ENTREP2: variants seen among roughly 807,000 people sequenced by gnomAD.
The protein encoded by ENTREP2 is protein ENTREP2.
chr15:29,593,161 C>T, the ENTREP2 span, among the ~76,000 whole-genome samples: 2 of 152,152 alleles, frequency 1.3e-5, no homozygotes, highest in Non-Finnish European at 2.9e-5. Context: ...ACTTTCCTTC[C>T]GTTTGTTCCT....
chr15:29,514,383 G>A, the ENTREP2 span, among the ~76,000 whole-genome samples: 1 of 152,176 alleles, frequency 6.6e-6, no homozygotes. Context: ...GCCTGTGTCA[G>A]AATTTCCTTC....
the ENTREP2 span, among the ~76,000 whole-genome samples, chr15:29,343,608 C>T: frequency 6.6e-6 from 1 of 152,100 alleles, no homozygotes; most frequent in Non-Finnish European, 1.5e-5. Context: ...CTCTCTCCCT[C>T]TCTGTCTCTT....
the ENTREP2 span, among the ~76,000 whole-genome samples, chr15:29,222,774 A>T: frequency 6.6e-6 from 1 of 152,134 alleles, no homozygotes; most frequent in East Asian, 1.9e-4. Context: ...CGCTCACCCC[A>T]CTAGGAATTA....
chr15:29,657,029 G>A, the ENTREP2 span, among the ~76,000 whole-genome samples: 9 of 152,014 alleles, frequency 5.9e-5, no homozygotes, highest in African/African-American at 2.2e-4. Flanking sequence ...GAACGAAGCC[G>A]GGCCTTCGTG....
At chr15:29,616,921 G>C in the ENTREP2 span, among the ~76,000 whole-genome samples, 1 of 152,096 alleles carries the variant, frequency 6.6e-6, no homozygotes, top group East Asian at 1.9e-4. Context: ...TTAGCCAGGT[G>C]TGGTGGCACA....
chr15:29,208,229 C>A, the ENTREP2 span, among the ~76,000 whole-genome samples: 2 of 149,662 alleles, frequency 1.3e-5, no homozygotes, highest in African/African-American at 4.9e-5. Context: ...TAATGCCAGG[C>A]AGAGGAAGCT....
chr15:29,513,583 G>T, the ENTREP2 span, among the ~76,000 whole-genome samples: 1 of 152,166 alleles, frequency 6.6e-6, no homozygotes, highest in Non-Finnish European at 1.5e-5. Context: ...TTAAAAAGGC[G>T]TGGGGTGAAC....
At chr15:29,244,569 G>A in the ENTREP2 span, among the ~76,000 whole-genome samples, 1 of 152,334 alleles carries the variant, frequency 6.6e-6, no homozygotes, top group Admixed American at 6.5e-5. Context: ...GGAAGGCTGT[G>A]GTCATCTCAT....
the ENTREP2 span, among the ~76,000 whole-genome samples, chr15:29,385,564 G>GT: frequency 5.9e-5 from 9 of 152,322 alleles, no homozygotes; most frequent in East Asian, 1.4e-3. Flanking sequence ...TCTCCCCTGA[G>GT]TAAGAATATG....
the ENTREP2 span, among the ~76,000 whole-genome samples, chr15:29,136,726 A>G: frequency 2.0e-5 from 3 of 151,778 alleles, no homozygotes; most frequent in African/African-American, 4.8e-5. Context: ...CCTGTCCATT[A>G]AAATTCAAAT....
chr15:29,253,181 G>A, the ENTREP2 span, among the ~76,000 whole-genome samples: 3 of 152,080 alleles, frequency 2.0e-5, no homozygotes, highest in Non-Finnish European at 4.4e-5. Flanking sequence ...TTTGAATCAG[G>A]CCACACAGGA....
chr15:29,607,845 T>C, the ENTREP2 span, among the ~76,000 whole-genome samples: 25 of 130,582 alleles, frequency 1.9e-4, 1 homozygote, highest in Non-Finnish European at 3.2e-4. Flanking sequence ...GACAGACAGA[T>C]AGATAGATAT....
the ENTREP2 span, among the ~76,000 whole-genome samples, chr15:29,671,266 T>C: frequency 6.6e-6 from 1 of 152,204 alleles, no homozygotes; most frequent in Admixed American, 6.5e-5. Context: ...TCTGTGTCCA[T>C]GGTAATAAAC....
the ENTREP2 span, among the ~76,000 whole-genome samples, chr15:29,429,182 T>G: frequency 7.1e-6 from 1 of 140,288 alleles, no homozygotes; most frequent in South Asian, 2.4e-4. Context: ...CATCTTGAGA[T>G]GTCTATCTAT....
the ENTREP2 span, among the ~76,000 whole-genome samples, chr15:29,125,548 G>A: frequency 2.0e-5 from 3 of 152,298 alleles, no homozygotes; most frequent in South Asian, 2.1e-4. Flanking sequence ...GACCCACTGC[G>A]CCCTCTTCAG....
the ENTREP2 span, among the ~76,000 whole-genome samples, chr15:29,669,944 T>G: frequency 6.6e-6 from 1 of 152,218 alleles, no homozygotes; most frequent in Non-Finnish European, 1.5e-5. Flanking sequence ...TCATGTTGGC[T>G]GTGCTTAAAA....
the ENTREP2 span, among the ~76,000 whole-genome samples, chr15:29,674,141 G>GC: frequency 4.9e-5 from 7 of 142,448 alleles, no homozygotes; most frequent in Non-Finnish European, 8.0e-5. Flanking sequence ...GGGGGGGGGG[G>GC]GGCTTTGCCA....
the ENTREP2 span, among the ~76,000 whole-genome samples, chr15:29,323,676 T>C: frequency 3.3e-5 from 5 of 152,104 alleles, no homozygotes; most frequent in African/African-American, 1.2e-4. Flanking sequence ...TTCCAGGCTC[T>C]GCACCAGTGA....
At chr15:29,582,808 C>A in the ENTREP2 span, among the ~76,000 whole-genome samples, 13 of 152,130 alleles carry the variant, frequency 8.5e-5, no homozygotes, top group Middle Eastern at 3.4e-3. Flanking sequence ...GGCGCCACCA[C>A]GCCTGGCTGA....
Sources: gnomAD v4.1 joint callset for allele counts (sites outside exome capture counted in the v4.1 genomes callset) on GRCh38, gnomAD v4.1.1 for gene constraint, MANE v1.5 for transcripts, NCBI Gene and HGNC (gene_info 2026-07-23, HGNC 2026-07-21) for gene names.